NIM1K: variants seen among roughly 807,000 people sequenced by gnomAD.
The protein encoded by NIM1K is serine/threonine-protein kinase NIM1.
In NIM1K, 35 loss-of-function variants were observed where a neutral mutation model predicts 37.1. The ratio of observed to expected loss-of-function variants is 0.94; its 90% CI spans 0.72 to 1.25. The LOEUF (loss-of-function observed/expected upper bound fraction) is 1.25. NIM1K is among the 50% of genes most tolerant of loss of function. The pLI is 0.00. For synonymous variants in NIM1K, 234 were observed against 206.6 expected (o/e 1.13, Z -1.14); for missense variants, 564 against 548.0 (o/e 1.03, Z -0.29).
chr5:43,268,356 G>T (rs1251344165), intron 2 of NIM1K, among the ~76,000 whole-genome samples: 1 of 152,196 alleles, frequency 6.6e-6, no homozygotes, highest in South Asian at 2.1e-4. Flanking sequence ...TCAAAGGCTT[G>T]TTGGTTAGGG....
intron 2 of NIM1K, among the ~76,000 whole-genome samples, chr5:43,253,612 C>T (rs1352976604): frequency 6.6e-6 from 1 of 151,628 alleles, no homozygotes; most frequent in East Asian, 1.9e-4. Flanking sequence ...CATGGAAAAT[C>T]TTCTTGCATA....
At chr5:43,239,184 A>G (rs1004456391) in intron 1 of NIM1K, among the ~76,000 whole-genome samples, 1 of 149,930 alleles carries the variant, frequency 6.7e-6, no homozygotes, top group Non-Finnish European at 1.5e-5. Context: ...CCATCTCTCC[A>G]TCTCCCCAAA....
At chr5:43,208,813 A>G (rs916759940) in intron 1 of NIM1K, among the ~76,000 whole-genome samples, 2 of 152,200 alleles carry the variant, frequency 1.3e-5, no homozygotes, top group African/African-American at 2.4e-5. Context: ...GAAAGGGACT[A>G]GAGATGGTTG....
At position 43,269,808 on chromosome 5, in the gene NIM1K, C is replaced by T. The variant is rs112685779; in HGVS notation, c.293-7249C>T. 5.9e-3 allele frequency among the ~76,000 whole-genome samples: 894 copies of T among 152,028 alleles called. 7 individuals are homozygous for T. Among genetic ancestry groups the T allele is most frequent in the African/African-American group, 0.02 (822 of 41,492 alleles). Reference sequence around the variant, plus strand: ...TAATTTTTTGTATTTTTAGTAGAGACGGGGTTTCACCATGTTAGCCAGGAT... The same window carrying T: ...TAATTTTTTGTATTTTTAGTAGAGATGGGGTTTCACCATGTTAGCCAGGAT... On this transcript the variant is annotated intron_variant, in intron 2 of 3. Transcript: ENST00000326035.
At chr5:43,249,644 A>T (rs1030783173) in intron 2 of NIM1K, among the ~76,000 whole-genome samples, 8 of 152,150 alleles carry the variant, frequency 5.3e-5, no homozygotes, top group Non-Finnish European at 1.0e-4. Flanking sequence ...GAAAAAGTTG[A>T]GTGAAAACAC....
intron 1 of NIM1K, among the ~76,000 whole-genome samples, chr5:43,202,385 G>A (rs906837407): frequency 6.6e-6 from 1 of 152,092 alleles, no homozygotes; most frequent in African/African-American, 2.4e-5. Context: ...ATTCTGTTAG[G>A]CTGGTTGGTG....
intron 1 of NIM1K, among the ~76,000 whole-genome samples, chr5:43,228,684 A>T (rs1752494642): frequency 6.6e-6 from 1 of 151,472 alleles, no homozygotes; most frequent in South Asian, 2.1e-4. Flanking sequence ...CCTAAAAATC[A>T]GCTAGGTGTG....
Position 43,279,889 on chromosome 5 carries a change from A to G in NIM1K, c.562-91A>G. 4 of 1,036,878 alleles carry G rather than the reference A, an allele frequency of 3.9e-6. No individual in the cohort carries two copies. The South Asian group carries it at 4.7e-5, about 12-fold the overall frequency. The allele number at this position is 1,036,878 out of a possible 1,614,324, so 64.2% of individuals were successfully genotyped here. On this transcript the variant is annotated intron_variant, in intron 3 of 3. Transcript: ENST00000326035. ...TCCTCACTGAATTTGTTATTCCACC[A>G]TCATTATCTCACTGTTTCAGAGCAA...
chr5:43,246,836 A>G (rs761704116), intron 2 of NIM1K, among the ~76,000 whole-genome samples: 12 of 152,132 alleles, frequency 7.9e-5, no homozygotes, highest in Middle Eastern at 3.2e-3. Context: ...CACTTCCCCA[A>G]GGTACCTGTA....
chr5:43,196,942 CT>C (rs774125135), intron 1 of NIM1K, among the ~76,000 whole-genome samples: 848 of 82,786 alleles, frequency 0.01, 1 homozygote, highest in African/African-American at 0.035. Flanking sequence ...CCATGCCCAG[CT>C]TTTTTTTTTT....
intron 2 of NIM1K, among the ~76,000 whole-genome samples, chr5:43,255,556 C>T (rs1026467693): frequency 3.3e-5 from 5 of 152,122 alleles, no homozygotes; most frequent in Non-Finnish European, 5.9e-5. Flanking sequence ...GGAGGCCATC[C>T]TGGCCGACAT....
At chr5:43,237,579 A>G (rs1253459626) in intron 1 of NIM1K, among the ~76,000 whole-genome samples, 1 of 152,218 alleles carries the variant, frequency 6.6e-6, no homozygotes, top group Non-Finnish European at 1.5e-5. Context: ...TTTCAACATT[A>G]TGAAGCTTGA....
chr5:43,258,598 T>A (rs1312469428), intron 2 of NIM1K, among the ~76,000 whole-genome samples: 1 of 152,050 alleles, frequency 6.6e-6, no homozygotes, highest in African/African-American at 2.4e-5. Flanking sequence ...CATGCCATCA[T>A]GCCTGGCTAA....
intron 2 of NIM1K, among the ~76,000 whole-genome samples, chr5:43,255,754 A>AGAAAGAAAG (rs1554016084): frequency 3.0e-5 from 4 of 131,894 alleles, no homozygotes; most frequent in African/African-American, 1.1e-4. Flanking sequence ...TCTCAAAAAA[A>AGAAAGAAAG]AAAGAAAGAA....
chr5:43,238,992 C>T (rs941446463), intron 1 of NIM1K, among the ~76,000 whole-genome samples: 4 of 151,478 alleles, frequency 2.6e-5, no homozygotes, highest in African/African-American at 9.7e-5. Flanking sequence ...GCTCTAACTT[C>T]AAACAGTTTC....
At chr5:43,203,319 C>T (rs910116839) in intron 1 of NIM1K, among the ~76,000 whole-genome samples, 2 of 152,230 alleles carry the variant, frequency 1.3e-5, no homozygotes, top group African/African-American at 4.8e-5. Flanking sequence ...TTTCTCTGTA[C>T]ATTGTGAACT....
At chr5:43,247,418 C>T (rs537040707) in intron 2 of NIM1K, among the ~76,000 whole-genome samples, 1 of 152,172 alleles carries the variant, frequency 6.6e-6, no homozygotes, top group Non-Finnish European at 1.5e-5. Flanking sequence ...CCTTGCCTTG[C>T]CTCTGTGCAA....
intron 2 of NIM1K, among the ~76,000 whole-genome samples, chr5:43,271,641 T>C (rs1464629398): frequency 1.3e-5 from 2 of 152,204 alleles, no homozygotes; most frequent in African/African-American, 4.8e-5. Flanking sequence ...ATATTAATAT[T>C]GATCTAATTC....
At chr5:43,253,378 G>T (rs918686675) in intron 2 of NIM1K, among the ~76,000 whole-genome samples, 2 of 151,522 alleles carry the variant, frequency 1.3e-5, no homozygotes, top group Non-Finnish European at 1.5e-5. Flanking sequence ...ATCCAGGAAG[G>T]GTCTATTGAG....
Sources: allele counts gnomAD v4.1 joint callset (sites outside exome capture counted in the v4.1 genomes callset), GRCh38; gene constraint gnomAD v4.1.1; transcripts MANE v1.5; gene names NCBI Gene and HGNC (gene_info 2026-07-23, HGNC 2026-07-21).